Variants in CRYL1 observed in about 807,000 individuals in gnomAD.
CRYL1 encodes lambda-crystallin homolog.
In CRYL1, 29 loss-of-function variants were observed where a neutral mutation model predicts 36.6. The observed-to-expected ratio is 0.79, with a 90% CI of 0.59 to 1.08. The LOEUF is 1.08. Among genes scored for constraint, CRYL1 ranks in the 50% least tolerant of loss-of-function variants. The pLI is 0.00. For synonymous variants in CRYL1, 152 were observed against 151.5 expected, an observed-to-expected ratio of 1.00 and a Z score of -0.02; for missense variants, 411 against 407.9, an observed-to-expected ratio of 1.01 and a Z score of -0.06.
intron 1 of CRYL1, among the ~76,000 whole-genome samples, chr13:20,521,066 G>GCA (rs1379664726): frequency 7.9e-6 from 1 of 126,992 alleles, no homozygotes; most frequent in African/African-American, 3.1e-5. Flanking sequence ...TCACGCCACT[G>GCA]CACTCCAGCC....
chr13:20,426,824 C>G, intron 5 of CRYL1: 4 of 985,516 alleles, frequency 4.1e-6, no homozygotes, highest in Non-Finnish European at 4.8e-6. Context: ...AGGGCCCCAT[C>G]CAGATGCCCC....
At chr13:20,482,776 C>T (rs957025825) in intron 3 of CRYL1, among the ~76,000 whole-genome samples, 2 of 152,126 alleles carry the variant, frequency 1.3e-5, no homozygotes, top group Non-Finnish European at 2.9e-5. Flanking sequence ...TGTGTGCGCA[C>T]GCACACACGC....
intron 3 of CRYL1, among the ~76,000 whole-genome samples, chr13:20,453,241 A>T (rs949397141): frequency 6.6e-6 from 1 of 152,208 alleles, no homozygotes; most frequent in South Asian, 2.1e-4. Context: ...GAAATCAAAC[A>T]AAGTATGTTC....
rs1436393672 is a variant in CRYL1, at chr13:20,481,486, C to A, written c.276+7884G>T. On this transcript the variant is annotated intron_variant, in intron 3 of 7. Coordinates refer to ENST00000298248, the MANE Select transcript of CRYL1 (RefSeq NM_015974.3). This position sits in a 1 kb window ranked among gnomAD's most constrained non-coding sequence, Gnocchi z 4.1. ...AAGGAGAGGCTCTATGCTCTGAACC[C>A]CAGCTGTGACGCTGATTTCATACGT... Among the ~76,000 whole-genome samples the A allele has an allele frequency of 6.6e-6, 1 of 152,124 alleles. No individual in the cohort carries two copies. Among genetic ancestry groups the A allele is most frequent in the African/African-American group, 2.4e-5 (1 of 41,408 alleles).
intron 4 of CRYL1, among the ~76,000 whole-genome samples, chr13:20,433,429 G>A (rs1412313172): frequency 6.6e-6 from 1 of 152,180 alleles, no homozygotes; most frequent in Non-Finnish European, 1.5e-5. Flanking sequence ...TAGGTAGAAT[G>A]TCACATTTGC....
At chr13:20,500,170 G>A (rs2033678987) in intron 2 of CRYL1, among the ~76,000 whole-genome samples, 1 of 152,164 alleles carries the variant, frequency 6.6e-6, no homozygotes, top group Non-Finnish European at 1.5e-5. Context: ...TAACTTTTAT[G>A]GCTTTTTTGT....
At chr13:20,518,923 C>T (rs1022559920) in intron 1 of CRYL1, among the ~76,000 whole-genome samples, 9 of 152,192 alleles carry the variant, frequency 5.9e-5, no homozygotes, top group African/African-American at 1.9e-4. Flanking sequence ...ATGTCATTAA[C>T]TCTGCTGGGA....
rs763975134 is a variant in CRYL1 at position 20,432,241 on chromosome 13, G to T, written c.494C>A (p.Ala165Asp). The T allele has an allele frequency of 6.2e-6, 10 of 1,613,632 alleles. No homozygotes were observed. The highest frequency in any genetic ancestry group is 6.8e-6 in the Non-Finnish European group (8 of 1,179,888). Reference sequence around the variant, plus strand: ...GTGGGTTCTGTCCACTGTCGTAGGGGCCGTCTCCGGGTGGGGGACCAGCTC... The same window carrying T: ...GTGGGTTCTGTCCACTGTCGTAGGGTCCGTCTCCGGGTGGGGGACCAGCTC... ...LVELVPHPET[A>D]PTTVDRTHAL... The change falls in exon 5 of 8, where the codon GCC becomes GAC. Residue 165 changes from alanine (A) to aspartate (D), a missense_variant. Physicochemically the swap from Ala to Asp is moderately radical, Grantham distance 126. Transcript: ENST00000298248.
intron 3 of CRYL1, among the ~76,000 whole-genome samples, chr13:20,452,264 C>T (rs894739044): frequency 7.1e-6 from 1 of 141,196 alleles, no homozygotes; most frequent in African/African-American, 2.6e-5. Flanking sequence ...AAAGCAAAAC[C>T]CAACCCAACT....
intron 3 of CRYL1, among the ~76,000 whole-genome samples, chr13:20,462,445 G>T (rs1176883053): frequency 1.3e-5 from 2 of 149,456 alleles, no homozygotes; most frequent in Non-Finnish European, 3.0e-5. Context: ...GGAAGAGAAC[G>T]GTATTTTAAT....
intron 4 of CRYL1, among the ~76,000 whole-genome samples, chr13:20,433,590 C>T (rs1473750926): frequency 2.6e-5 from 4 of 152,154 alleles, no homozygotes; most frequent in Admixed American, 6.5e-5. Flanking sequence ...GATGGTAAAT[C>T]GATGCCTCGG....
At position 20,430,520 on chromosome 13, in the gene CRYL1, A is replaced by T. The variant is rs182866020; in HGVS notation, c.633+1582T>A. On this transcript the variant is annotated intron_variant, in intron 5 of 7. Transcript: ENST00000298248. ...AAAAGCAGGGTGGACATCGTGAGTCAGCAGAACTACCAGAGCAGCCCAACT... is the reference window on the plus strand; with the variant it reads ...AAAAGCAGGGTGGACATCGTGAGTCTGCAGAACTACCAGAGCAGCCCAACT... 8.8e-5 allele frequency: 87 copies of T among 985,426 alleles called. No individual in the cohort carries two copies. The African/African-American group carries it at 1.5e-3, about 17-fold the overall frequency. 61.0% of individuals were successfully genotyped at this position (985,426 alleles called of 1,614,324 possible).
chr13:20,404,721 T>C lies in CRYL1; in HGVS notation c.760A>G (p.Arg254Gly). The C allele has an allele frequency of 6.2e-7, 1 of 1,613,082 alleles. No individual in the cohort carries two copies. The highest frequency in any genetic ancestry group is 8.5e-7 in the Non-Finnish European group (1 of 1,179,012). ...NAEGMLSYCDRYSEGIKHVLQ... is the reference protein window; with the variant it reads ...NAEGMLSYCDGYSEGIKHVLQ... ...ACATGTTTTATGCCTTCGCTGTATCTGTCGCAGTAGCTTAACATACCTGGA... is the reference window on the plus strand; with the variant it reads ...ACATGTTTTATGCCTTCGCTGTATCCGTCGCAGTAGCTTAACATACCTGGA... Residue 254 changes from arginine to glycine, a missense_variant, in exon 7 of 8, where the codon AGA becomes GGA. Physicochemically the swap from Arg to Gly is moderately radical, Grantham distance 125 (BLOSUM62 -2). Coordinates refer to ENST00000298248, the MANE Select transcript of CRYL1 (RefSeq NM_015974.3).
At chr13:20,495,734 A>C (rs2033593753) in intron 2 of CRYL1, among the ~76,000 whole-genome samples, 1 of 152,244 alleles carries the variant, frequency 6.6e-6, no homozygotes, top group South Asian at 2.1e-4. Flanking sequence ...CAAGCAATCC[A>C]AAAGTCCACC....
At chr13:20,473,430 C>A (rs898170054) in intron 3 of CRYL1, among the ~76,000 whole-genome samples, 2 of 152,258 alleles carry the variant, frequency 1.3e-5, no homozygotes, top group Non-Finnish European at 2.9e-5. Context: ...TGGCCAGACT[C>A]GGCCCCTGGT....
At chr13:20,492,948 C>A (rs149031610) in intron 2 of CRYL1, among the ~76,000 whole-genome samples, 173 of 152,264 alleles carry the variant, frequency 1.1e-3, no homozygotes, top group African/African-American at 3.1e-3. Context: ...CTCAGAGAAA[C>A]TCTTCCTCCC....
chr13:20,512,700 C>G (rs1055715981), intron 1 of CRYL1, 150 bp from the exon 2 acceptor site: 19 of 587,584 alleles, frequency 3.2e-5, no homozygotes, highest in Non-Finnish European at 5.4e-5. Context: ...TAGCCGGGCA[C>G]AGAAAGACAA....
At chr13:20,469,020 G>A (rs571175348) in intron 3 of CRYL1, among the ~76,000 whole-genome samples, 3 of 152,242 alleles carry the variant, frequency 2.0e-5, no homozygotes, top group African/African-American at 7.2e-5. Flanking sequence ...GTCAAGCTCC[G>A]CTCCCCTGGA....
chr13:20,439,556 T>G, intron 4 of CRYL1, 37 bp downstream of exon 4: 5 of 1,190,130 alleles, frequency 4.2e-6, no homozygotes, highest in Non-Finnish European at 5.5e-6. Flanking sequence ...CAGAATGAGA[T>G]GAGATACAAT....
Sources: gnomAD v4.1 joint callset for allele counts (sites outside exome capture counted in the v4.1 genomes callset) on GRCh38, gnomAD v4.1.1 for gene constraint, Gnocchi (gnomAD v3.1) non-coding constraint, MANE v1.5 for transcripts, NCBI Gene and HGNC (gene_info 2026-07-23, HGNC 2026-07-21) for gene names.